CBY2: variants seen among roughly 807,000 people sequenced by gnomAD.
CBY2 encodes protein chibby homolog 2.
In CBY2, 23 loss-of-function variants were observed where a neutral mutation model predicts 25.3. The ratio of observed to expected loss-of-function variants is 0.91; its 90% CI spans 0.65 to 1.29. The LOEUF is 1.29. CBY2 is among the 50% of genes most tolerant of loss of function. CBY2 has a pLI of 0.00. For missense variants in CBY2, 642 were observed against 590.7 expected (o/e 1.09, Z -0.90); for synonymous variants, 279 against 260.2 (o/e 1.07, Z -0.70).
chr13:45,702,368 G>C lies in CBY2; in HGVS notation c.-23G>C, dbSNP rs872556. On this transcript the variant is annotated 5_prime_UTR_variant, in exon 1 of 3. Coordinates refer to ENST00000310521, the MANE Select transcript of CBY2 (RefSeq NM_152719.3). ...TGCTCAGAGAGAAACCATGAGCCCT[G>C]AAAAACACCATATTGTTTTGTGATG... 254,258 of 1,610,046 alleles carry C rather than the reference G, an allele frequency of 0.16. 21,206 individuals are homozygous for C. The highest frequency in any genetic ancestry group is 0.2 in the African/African-American group (14,894 of 74,884).
Position 45,713,665 on chromosome 13 carries a change from G to T in CBY2, c.640G>T (p.Ala214Ser). ...KASLGREESR[A>S]PSPLLHKDSA... ...CTCGCTGGGCCGAGAGGAGAGCCGG[G>T]CCCCCTCGCCACTGCTGCACAAAGA... The change falls in exon 3 of 3, where the codon GCC (alanine) becomes TCC (serine). Residue 214 changes from alanine to serine, a missense_variant. Physicochemically the swap from Ala to Ser is moderately conservative, Grantham distance 99. Transcript: ENST00000310521. The surrounding 1 kb of genome is among the most constrained non-coding windows in gnomAD (Gnocchi z 5.0). The T allele has an allele frequency of 1.2e-6, 2 of 1,612,958 alleles. No individual in the cohort carries two copies. Among genetic ancestry groups the T allele is most frequent in the Non-Finnish European group, 1.7e-6 (2 of 1,179,988 alleles).
Position 45,713,882 on chromosome 13 carries a change from C to CCCCTA in CBY2, c.857_858insCCCTA (p.His288AsnfsTer74). 2 of 1,530,630 alleles carry CCCCTA rather than the reference C, an allele frequency of 1.3e-6. No homozygotes were observed. Among genetic ancestry groups the CCCCTA allele is most frequent in the Non-Finnish European group, 1.8e-6 (2 of 1,142,830 alleles). 94.8% of individuals were successfully genotyped at this position (1,530,630 alleles called of 1,614,324 possible). A position where few individuals can be genotyped will look rare whatever the true frequency, so the allele number is the denominator to read the frequency against. On this transcript the variant is annotated frameshift_variant, in exon 3 of 3. Transcript: ENST00000310521. LOFTEE classifies it high-confidence loss of function. The surrounding 1 kb of genome is among the most constrained non-coding windows in gnomAD (Gnocchi z 5.0). The stretch of plus-strand genomic sequence containing the variant: ...GCCGAGGAAAGCAAGCCCGCCCCCT[C>CCCCTA]ACCCCACGAGGAGCCCTGCAGCCCC...
intron 2 of CBY2, among the ~76,000 whole-genome samples, chr13:45,707,694 T>C (rs1341992329): frequency 2.0e-5 from 3 of 152,216 alleles, no homozygotes; most frequent in Non-Finnish European, 4.4e-5. Context: ...AGAGAACCAT[T>C]GCAAAGTAAT....
At chr13:45,702,889 G>C in intron 2 of CBY2, 34 bp downstream of exon 2, 1 of 1,527,994 alleles carries the variant, frequency 6.5e-7, no homozygotes, top group Non-Finnish European at 9.1e-7. Context: ...TAACCTATCA[G>C]TGTTAGCCAG....
Position 45,713,515 on chromosome 13 carries a change from A to G in CBY2, c.490A>G (p.Lys164Glu). The G allele has an allele frequency of 6.2e-7, 1 of 1,614,160 alleles. No individual in the cohort carries two copies. The highest frequency in any genetic ancestry group is 1.3e-5 in the African/African-American group (1 of 75,050). Residue 164 changes from lysine (K) to glutamate (E), a missense_variant, in exon 3 of 3, where the codon AAG becomes GAG. Coordinates refer to ENST00000310521, the MANE Select transcript of CBY2 (RefSeq NM_152719.3). This position sits in a 1 kb window ranked among gnomAD's most constrained non-coding sequence, Gnocchi z 5.0. ...CAAGCTGCACCACAAGAGGCTGGCC[A>G]AGGAGTGCATGCTGCAGGAGGAGAA... is the stretch of plus-strand genomic sequence containing the variant. ...HHKLHHKRLA[K>E]ECMLQEENKS...
At chr13:45,703,563 A>G (rs191283092) in intron 2 of CBY2, 134 of 1,551,048 alleles carry the variant, frequency 8.6e-5, no homozygotes, top group Non-Finnish European at 1.1e-4. Context: ...GAGGGGTTGA[A>G]ATGTAGGATG....
At chr13:45,706,983 A>T (rs1950243063) in intron 2 of CBY2, among the ~76,000 whole-genome samples, 1 of 152,198 alleles carries the variant, frequency 6.6e-6, no homozygotes, top group African/African-American at 2.4e-5. Context: ...TTACCAGTAG[A>T]ACTGACCATC....
At chr13:45,707,511 T>C (rs1448714243) in intron 2 of CBY2, among the ~76,000 whole-genome samples, 1 of 152,228 alleles carries the variant, frequency 6.6e-6, no homozygotes, top group African/African-American at 2.4e-5. Context: ...CCTCCCAATC[T>C]TTCAGTGTAT....
chr13:45,703,824 T>A (rs1026517919), intron 2 of CBY2, among the ~76,000 whole-genome samples: 21 of 152,200 alleles, frequency 1.4e-4, no homozygotes, highest in African/African-American at 4.8e-4. Context: ...ATAAGATAAC[T>A]TCCCCCTGAT....
chr13:45,712,888 TTGACAAAACTG>T (rs1234853500), intron 2 of CBY2, among the ~76,000 whole-genome samples: 1 of 152,214 alleles, frequency 6.6e-6, no homozygotes. Flanking sequence ...TATTGCTTGG[TTGACAAAACTG>T]TGACCACAGG....
At chr13:45,708,312 C>T (rs1201927104) in intron 2 of CBY2, among the ~76,000 whole-genome samples, 1 of 152,192 alleles carries the variant, frequency 6.6e-6, no homozygotes, top group Non-Finnish European at 1.5e-5. Context: ...TTTCTAGTCC[C>T]CTATTCCCCA....
intron 2 of CBY2, among the ~76,000 whole-genome samples, chr13:45,708,315 A>G (rs1950250932): frequency 6.6e-6 from 1 of 152,210 alleles, no homozygotes; most frequent in Non-Finnish European, 1.5e-5. Flanking sequence ...CTAGTCCCCT[A>G]TTCCCCACAC....
At chr13:45,712,859 C>T (rs113317291) in intron 2 of CBY2, among the ~76,000 whole-genome samples, 28 of 152,282 alleles carry the variant, frequency 1.8e-4, no homozygotes, top group African/African-American at 3.4e-4. Context: ...ATCAACAATA[C>T]GCACTAAATG....
chr13:45,711,788 T>C (rs563627359), intron 2 of CBY2, among the ~76,000 whole-genome samples: 2 of 152,186 alleles, frequency 1.3e-5, no homozygotes, highest in African/African-American at 2.4e-5. Flanking sequence ...TGAGCCCCGT[T>C]TTATGCTGTG....
At position 45,713,484 on chromosome 13, in the gene CBY2, CCACCACAAGCTG is replaced by C; in HGVS notation, c.469_480del (p.Leu157_Lys160del). On this transcript the variant is annotated inframe_deletion, in exon 3 of 3. Coordinates refer to ENST00000310521, the MANE Select transcript of CBY2 (RefSeq NM_152719.3). This position sits in a 1 kb window ranked among gnomAD's most constrained non-coding sequence, Gnocchi z 5.0. Reference sequence around the variant, plus strand: ...CCTACTTCTCCCCATCCGCCTCCTTCCACCACAAGCTGCACCACAAGAGGCTGGCCAAGGAGT... The same window carrying C: ...CCTACTTCTCCCCATCCGCCTCCTTCCACCACAAGAGGCTGGCCAAGGAGT... The C allele has an allele frequency of 6.2e-7, 1 of 1,614,222 alleles. No homozygotes were observed. The highest frequency in any genetic ancestry group is 1.3e-5 in the African/African-American group (1 of 75,064).
chr13:45,714,493 C>A lies in CBY2; in HGVS notation c.*121C>A. On this transcript the variant is annotated 3_prime_UTR_variant, in exon 3 of 3. Coordinates refer to ENST00000310521, the MANE Select transcript of CBY2 (RefSeq NM_152719.3). ...CCAGTTCGTACCTATTGAAAAGCAG[C>A]GTTAGCAGCCTTCCTAAACTCAGAG... 1.2e-6 allele frequency: 1 copy of A among 833,486 alleles called. No individual in the cohort carries two copies. Among genetic ancestry groups the A allele is most frequent in the Non-Finnish European group, 1.8e-6 (1 of 553,688 alleles). 51.6% of individuals were successfully genotyped at this position (833,486 alleles called of 1,614,324 possible). A position where few individuals can be genotyped will look rare whatever the true frequency, so the allele number is the denominator to read the frequency against.
chr13:45,703,299 T>C, intron 2 of CBY2: 1 of 1,364,758 alleles, frequency 7.3e-7, no homozygotes, highest in Non-Finnish European at 9.4e-7. Flanking sequence ...TTTGGAGCTG[T>C]CAAGAGAATT....
intron 2 of CBY2, among the ~76,000 whole-genome samples, chr13:45,706,779 T>G (rs898302396): frequency 1.1e-4 from 17 of 152,106 alleles, no homozygotes; most frequent in East Asian, 1.9e-4. Flanking sequence ...GCTTGGCCCA[T>G]GAAACCAATC....
chr13:45,702,700 G>GT, intron 1 of CBY2, 75 bp from the exon 2 acceptor site: 2 of 1,242,712 alleles, frequency 1.6e-6, no homozygotes, highest in African/African-American at 1.5e-5. Flanking sequence ...AAAGTTCTGT[G>GT]TTTTTTAGGC....
Sources: gnomAD v4.1 joint callset for allele counts (sites outside exome capture counted in the v4.1 genomes callset) on GRCh38, gnomAD v4.1.1 for gene constraint, Gnocchi (gnomAD v3.1) non-coding constraint, MANE v1.5 for transcripts, NCBI Gene and HGNC (gene_info 2026-07-23, HGNC 2026-07-21) for gene names.